The following DTYMK variants were observed in gnomAD, a reference collection of about 807,000 sequenced individuals.
DTYMK encodes the protein thymidylate kinase.
DTYMK carries 20 observed loss-of-function variants against 20.3 expected under a neutral mutation model. The ratio of observed to expected loss-of-function variants is 0.99; its 90% CI spans 0.69 to 1.43. The LOEUF (loss-of-function observed/expected upper bound fraction) is 1.43, where lower values mean the gene tolerates loss of function less well. Among genes scored for constraint, DTYMK ranks in the 40% most tolerant of loss-of-function variants. DTYMK has a pLI of 0.00. For missense variants in DTYMK, 320 were observed against 291.1 expected, an observed-to-expected ratio of 1.10 and a Z score of -0.72; for synonymous variants, 148 against 124.4, an observed-to-expected ratio of 1.19 and a Z score of -1.27.
At chr2:241,681,493 C>T (rs1442655594) in intron 2 of DTYMK, among the ~76,000 whole-genome samples, 1 of 151,954 alleles carries the variant, frequency 6.6e-6, no homozygotes, top group Non-Finnish European at 1.5e-5. Context: ...AGCTCGAGAC[C>T]TGCCTGGGCA....
chr2:241,685,617 C>G (rs960215656), intron 2 of DTYMK, 152 bp downstream of exon 2: 22 of 739,012 alleles, frequency 3.0e-5, no homozygotes, highest in Non-Finnish European at 4.8e-5. Flanking sequence ...AACTAGGGCG[C>G]TTCACCACCT....
In DTYMK at chr2:241,678,520, C is replaced by T. The variant is rs770798383; in HGVS notation, c.460G>A (p.Gly154Arg). 1.1e-5 allele frequency: 17 copies of T among 1,614,060 alleles called. No homozygotes were observed. The highest frequency in any genetic ancestry group is 1.3e-5 in the Non-Finnish European group (15 of 1,180,050). ...CGGAGCGCCCGCTCCTGGAAAGCCC[C>T]GTTCTCATAGCGCTCATGGCCAAAC... is the stretch of plus-strand genomic sequence containing the variant. ...GAFGHERYEN[G>R]AFQERALRCF... Residue 154 changes from glycine to arginine, a missense_variant, in exon 4 of 5, where the codon GGG becomes AGG. Physicochemically the swap from Gly to Arg is moderately radical, Grantham distance 125. Transcript: ENST00000305784.
At chr2:241,684,521 C>T (rs773842515) in intron 2 of DTYMK, among the ~76,000 whole-genome samples, 3 of 152,084 alleles carry the variant, frequency 2.0e-5, no homozygotes, top group African/African-American at 7.2e-5. Flanking sequence ...AGAGACAATG[C>T]GACGACAATT....
At chr2:241,678,001 C>A (rs920484713) in intron 4 of DTYMK, among the ~76,000 whole-genome samples, 1 of 152,168 alleles carries the variant, frequency 6.6e-6, no homozygotes, top group African/African-American at 2.4e-5. Context: ...ACTGGCCGGG[C>A]GCGATGGCTC....
chr2:241,686,656 G>T lies in DTYMK; in HGVS notation c.128C>A (p.Pro43Gln). ...AGHRAELLRF[P>Q]ERSTEIGKLL... is the part of the protein sequence containing the mutation. The stretch of plus-strand genomic sequence containing the variant: ...CACCCCCCGCCGCGCGCACCCACCC[G>T]GGAACCGGAGCAGTTCGGCGCGGTG... The change falls in exon 1 of 5, where the codon CCG (proline) becomes CAG (glutamine). Residue 43 changes from proline to glutamine, a missense_variant and splice_region_variant. Coordinates refer to ENST00000305784, the MANE Select transcript of DTYMK (RefSeq NM_012145.4). The T allele has an allele frequency of 6.6e-7, 1 of 1,515,096 alleles. No individual in the cohort carries two copies. Among genetic ancestry groups the T allele is most frequent in the East Asian group, 2.6e-5 (1 of 38,260 alleles). 93.9% of individuals were successfully genotyped at this position (1,515,096 alleles called of 1,614,324 possible). A position where few individuals can be genotyped will look rare whatever the true frequency, so the allele number is the denominator to read the frequency against.
In DTYMK at chr2:241,686,722, G is replaced by C; in HGVS notation, c.62C>G (p.Thr21Arg). The C allele has an allele frequency of 1.3e-6, 2 of 1,545,992 alleles. No homozygotes were observed. The highest frequency in any genetic ancestry group is 2.3e-5 in the South Asian group (2 of 85,288). Reference protein sequence around the residue: ...LEGVDRAGKSTQSRKLVEALC... With the variant: ...LEGVDRAGKSRQSRKLVEALC... Reference sequence around the variant, plus strand: ...CGCTTCCACCAGCTTGCGGCTCTGCGTGCTCTTCCCGGCGCGGTCCACGCC... The same window carrying C: ...CGCTTCCACCAGCTTGCGGCTCTGCCTGCTCTTCCCGGCGCGGTCCACGCC... The change falls in exon 1 of 5, where the codon ACG becomes AGG. Residue 21 changes from threonine (T) to arginine (R), a missense_variant. Physicochemically the swap from Thr to Arg is moderately conservative, Grantham distance 71. Coordinates refer to ENST00000305784, the MANE Select transcript of DTYMK (RefSeq NM_012145.4).
At chr2:241,680,096 A>G in intron 3 of DTYMK, 133 bp downstream of exon 3, 2 of 763,790 alleles carry the variant, frequency 2.6e-6, no homozygotes, top group African/African-American at 1.8e-5. Context: ...TAATCTAGCA[A>G]AGAGATAAAA....
At chr2:241,684,629 C>T (rs927077890) in intron 2 of DTYMK, 86 of 411,908 alleles carry the variant, frequency 2.1e-4, no homozygotes, top group Non-Finnish European at 4.9e-5. Context: ...TATGGTATGA[C>T]CTCATTTATG....
intron 1 of DTYMK, among the ~76,000 whole-genome samples, chr2:241,686,440 G>C (rs1335983880): frequency 6.6e-6 from 1 of 152,160 alleles, no homozygotes; most frequent in African/African-American, 2.4e-5. Context: ...AGGCTGAGGC[G>C]GGAGGATCGC....
At position 241,680,318 on chromosome 2, in the gene DTYMK, G is replaced by C; in HGVS notation, c.241C>G (p.Pro81Ala). 6.2e-7 allele frequency: 1 copy of C among 1,614,012 alleles called. No homozygotes were observed. The highest frequency in any genetic ancestry group is 8.5e-7 in the Non-Finnish European group (1 of 1,179,938). ...LFSANRWEQV[P>A]LIKEKLSQGV... ...TGGCTCAACTTTTCCTTAATTAACG[G>C]CCTGAAAAAGAGGATGCTCCTGAGC... is the stretch of plus-strand genomic sequence containing the variant. Residue 81 changes from proline (P) to alanine (A), a missense_variant and splice_region_variant, in exon 3 of 5, where the codon CCG becomes GCG. Physicochemically the swap from Pro to Ala is conservative, Grantham distance 27. Transcript: ENST00000305784.
chr2:241,686,598 C>T (rs1200435708), intron 1 of DTYMK, 56 bp downstream of exon 1: 3 of 1,437,782 alleles, frequency 2.1e-6, no homozygotes, highest in Non-Finnish European at 2.7e-6. Context: ...GCAAAGAGCC[C>T]CTGGGAAGGC....
rs562416307 is a variant in DTYMK at position 241,680,430 on chromosome 2, G to A, written c.240-111C>T. On this transcript the variant is annotated intron_variant, in intron 2 of 4. Coordinates refer to ENST00000305784, the MANE Select transcript of DTYMK (RefSeq NM_012145.4). ...AGTGGCTCACCCCTATAATCCCAGC[G>A]CTTTGGGAGGCTGAGGCGGGCGGAT... 7.3e-4 allele frequency: 825 copies of A among 1,135,164 alleles called. 12 individuals carry two copies. In the South Asian group the frequency reaches 9.2e-3, roughly 13 times the overall value. 70.3% of individuals were successfully genotyped at this position (1,135,164 alleles called of 1,614,324 possible).
chr2:241,680,163 G>T, intron 3 of DTYMK, 66 bp downstream of exon 3: 1 of 1,465,222 alleles, frequency 6.8e-7, no homozygotes, highest in Non-Finnish European at 9.5e-7. Flanking sequence ...ACTCGTACTC[G>T]CATTCAAGGG....
At chr2:241,676,983 C>A (rs1559282382) in intron 4 of DTYMK, among the ~76,000 whole-genome samples, 1 of 152,250 alleles carries the variant, frequency 6.6e-6, no homozygotes, top group Non-Finnish European at 1.5e-5. Flanking sequence ...GTCCTAACAG[C>A]TGTGCTGCAC....
At chr2:241,680,939 A>C (rs1396193011) in intron 2 of DTYMK, among the ~76,000 whole-genome samples, 1 of 152,200 alleles carries the variant, frequency 6.6e-6, no homozygotes, top group African/African-American at 2.4e-5. Context: ...CAGAGAGGCC[A>C]GCTCTACCCT....
rs180684281 is a variant in DTYMK, at chr2:241,679,363, C to T, written c.331-714G>A. On this transcript the variant is annotated intron_variant, in intron 3 of 4. Coordinates refer to ENST00000305784, the MANE Select transcript of DTYMK (RefSeq NM_012145.4). The stretch of plus-strand genomic sequence containing the variant: ...GAGCCTGCGGCTCTGTCAGCTGATC[C>T]GCACAGCAGGAAGAAGCAAAGGAAT... Among the ~76,000 whole-genome samples, 175 of 152,298 alleles carry T rather than the reference C, an allele frequency of 1.1e-3. 1 individual carries two copies. Among genetic ancestry groups the T allele is most frequent in the African/African-American group, 3.9e-3 (164 of 41,582 alleles).
rs1004365360 is a variant in DTYMK, at chr2:241,679,433, G to A, written c.331-784C>T. 2.6e-5 allele frequency among the ~76,000 whole-genome samples: 4 copies of A among 152,216 alleles called. No homozygotes were observed. The South Asian group carries it at 8.3e-4, about 31-fold the overall frequency. ...ATTATACAACGTAATACTTCAGAGG[G>A]GAAGGACTCAAGCTAACACATGAAG... is the stretch of plus-strand genomic sequence containing the variant. On this transcript the variant is annotated intron_variant, in intron 3 of 4. Coordinates refer to ENST00000305784, the MANE Select transcript of DTYMK (RefSeq NM_012145.4).
chr2:241,682,266 G>A (rs768853464), intron 2 of DTYMK: 26 of 453,054 alleles, frequency 5.7e-5, no homozygotes, highest in South Asian at 2.2e-4. Flanking sequence ...ACTTGAACCC[G>A]GGAGGTCGAG....
chr2:241,684,810 G>A (rs1575108514), intron 2 of DTYMK: 1 of 441,290 alleles, frequency 2.3e-6, no homozygotes, highest in South Asian at 1.7e-5. Context: ...AGTTACTAAT[G>A]TATCAATATT....
Sources: gnomAD v4.1 joint callset for allele counts (sites outside exome capture counted in the v4.1 genomes callset) on GRCh38, gnomAD v4.1.1 for gene constraint, MANE v1.5 for transcripts, NCBI Gene and HGNC (gene_info 2026-07-23, HGNC 2026-07-21) for gene names.